The following KHDRBS2 variants were observed in gnomAD, a reference collection of about 807,000 sequenced individuals.
KHDRBS2 encodes the protein KH RNA binding domain containing, signal transduction associated 2, also known as KH domain-containing, RNA-binding, signal transduction-associated protein 2.
Under a neutral mutation model 44.3 loss-of-function variants are expected in KHDRBS2, and 26 were observed. The ratio of observed to expected loss-of-function variants is 0.59; its 90% CI spans 0.43 to 0.81. The LOEUF is 0.81. KHDRBS2 is among the 40% of genes least tolerant of loss of function. KHDRBS2 has a pLI of 0.00. For missense variants in KHDRBS2, 476 were observed against 433.1 expected, an observed-to-expected ratio of 1.10 and a Z score of -0.88; for synonymous variants, 194 against 151.1, an observed-to-expected ratio of 1.28 and a Z score of -2.08.
intron 6 of KHDRBS2, among the ~76,000 whole-genome samples, chr6:61,800,754 T>A (rs1222797065): frequency 6.6e-6 from 1 of 152,158 alleles, no homozygotes; most frequent in Non-Finnish European, 1.5e-5. Flanking sequence ...GGAAGTTTAT[T>A]TTTAACTTGT....
chr6:61,774,834 A>C (rs1320332335), intron 6 of KHDRBS2, among the ~76,000 whole-genome samples: 1 of 152,086 alleles, frequency 6.6e-6, no homozygotes, highest in African/African-American at 2.4e-5. Context: ...CAGAGACACA[A>C]CCAAAAAAGA....
At chr6:62,109,314 G>A (rs1455284899) in intron 2 of KHDRBS2, among the ~76,000 whole-genome samples, 1 of 151,858 alleles carries the variant, frequency 6.6e-6, no homozygotes, top group Non-Finnish European at 1.5e-5. Flanking sequence ...TTTAAAAAAA[G>A]TACTTTCCAA....
chr6:62,280,959 T>C (rs1348821682), intron 1 of KHDRBS2, among the ~76,000 whole-genome samples: 1 of 152,142 alleles, frequency 6.6e-6, no homozygotes, highest in East Asian at 1.9e-4. Flanking sequence ...GGTTGAGGAA[T>C]AGCAGAAGAG....
intron 4 of KHDRBS2, among the ~76,000 whole-genome samples, chr6:61,920,112 A>G (rs2127358543): frequency 6.6e-6 from 1 of 152,116 alleles, no homozygotes; most frequent in East Asian, 1.9e-4. Flanking sequence ...TATTTGTGTC[A>G]TGCCAATTTT....
chr6:62,088,096 A>C (rs1798758847), intron 2 of KHDRBS2, among the ~76,000 whole-genome samples: 1 of 151,944 alleles, frequency 6.6e-6, no homozygotes, highest in Non-Finnish European at 1.5e-5. Flanking sequence ...AATTCCTCTA[A>C]CCTCTTCTCA....
chr6:62,268,889 C>T (rs964506467), intron 1 of KHDRBS2, among the ~76,000 whole-genome samples: 1 of 152,002 alleles, frequency 6.6e-6, no homozygotes, highest in Non-Finnish European at 1.5e-5. Context: ...TATTGAAAAA[C>T]AATTCATATA....
At chr6:62,226,361 C>G (rs1379383211) in intron 1 of KHDRBS2, among the ~76,000 whole-genome samples, 1 of 152,136 alleles carries the variant, frequency 6.6e-6, no homozygotes, top group East Asian at 1.9e-4. Context: ...TGTTCATATC[C>G]TCTGCCCAAT....
chr6:62,111,847 A>C (rs371456396), intron 2 of KHDRBS2, among the ~76,000 whole-genome samples: 3 of 151,960 alleles, frequency 2.0e-5, no homozygotes, highest in Admixed American at 6.6e-5. Flanking sequence ...ATACCATTGA[A>C]CTCCCGCCTA....
chr6:61,606,195 G>A, the KHDRBS2 span, among the ~76,000 whole-genome samples: 1 of 152,106 alleles, frequency 6.6e-6, no homozygotes, highest in African/African-American at 2.4e-5. Context: ...GACTCAGCCT[G>A]CCTGCACCCA....
intron 1 of KHDRBS2, among the ~76,000 whole-genome samples, chr6:62,237,520 A>G (rs905962033): frequency 6.6e-6 from 1 of 152,234 alleles, no homozygotes; most frequent in African/African-American, 2.4e-5. Flanking sequence ...GCTATCAAAA[A>G]GCAGAAACAT....
chr6:62,020,576 T>C (rs1268033387), intron 3 of KHDRBS2, among the ~76,000 whole-genome samples: 2 of 92,274 alleles, frequency 2.2e-5, no homozygotes, highest in African/African-American at 4.0e-5. Flanking sequence ...TGTCTATTTA[T>C]TAATGCACTT....
rs372712008 is a variant in KHDRBS2 at position 61,912,906 on chromosome 6, A to G, written c.484-11535T>C. On this transcript the variant is annotated intron_variant, in intron 4 of 8. Coordinates refer to ENST00000281156, the MANE Select transcript of KHDRBS2 (RefSeq NM_152688.4). ...AGTTCTTGGATCTCTTCCGTCTCCA[A>G]CGCCATATCTCAAAGAGCAACCACA... 7.9e-5 allele frequency among the ~76,000 whole-genome samples: 12 copies of G among 152,250 alleles called. No individual in the cohort carries two copies. The South Asian group carries it at 2.5e-3, about 32-fold the overall frequency.
intron 2 of KHDRBS2, among the ~76,000 whole-genome samples, chr6:62,130,692 G>A (rs1229580359): frequency 6.6e-6 from 1 of 151,980 alleles, no homozygotes; most frequent in Admixed American, 6.6e-5. Flanking sequence ...TAAGTAGAAA[G>A]TGTTTAAAAC....
chr6:62,267,623 T>C lies in KHDRBS2; in HGVS notation c.91+18235A>G, dbSNP rs180728951. Among the ~76,000 whole-genome samples, 754 of 152,154 alleles carry C rather than the reference T, an allele frequency of 5.0e-3. 9 individuals carry two copies. Among genetic ancestry groups the C allele is most frequent in the African/African-American group, 0.017 (721 of 41,538 alleles). On this transcript the variant is annotated intron_variant, in intron 1 of 8. Transcript: ENST00000281156. ...TAAGCAAATTGTATTTATTTTTTGT[T>C]TGTAACTGGGAGTCAAAATGAGCTA... is the stretch of plus-strand genomic sequence containing the variant.
chr6:61,841,609 T>G (rs1436431434), intron 6 of KHDRBS2, among the ~76,000 whole-genome samples: 6 of 152,116 alleles, frequency 3.9e-5, no homozygotes, highest in Non-Finnish European at 7.4e-5. Context: ...TCATGTTATT[T>G]CCATATACTT....
At chr6:61,811,265 T>C (rs192752282) in intron 6 of KHDRBS2, among the ~76,000 whole-genome samples, 1 of 152,286 alleles carries the variant, frequency 6.6e-6, no homozygotes. Context: ...GATGCATTTA[T>C]GTTGCTGCGA....
At chr6:62,065,899 T>C (rs576171811) in intron 2 of KHDRBS2, among the ~76,000 whole-genome samples, 1 of 151,956 alleles carries the variant, frequency 6.6e-6, no homozygotes, top group East Asian at 2.0e-4. Context: ...TCATGTACCA[T>C]TCATTCTGCT....
chr6:62,015,298 T>C (rs1247325894), intron 3 of KHDRBS2, among the ~76,000 whole-genome samples: 1 of 152,150 alleles, frequency 6.6e-6, no homozygotes, highest in Non-Finnish European at 1.5e-5. Flanking sequence ...AGTCTAATAA[T>C]GTTAAAAGTT....
At chr6:62,005,062 A>C (rs1778966872) in intron 3 of KHDRBS2, among the ~76,000 whole-genome samples, 1 of 151,916 alleles carries the variant, frequency 6.6e-6, no homozygotes, top group Non-Finnish European at 1.5e-5. Context: ...AAGGCTAAAC[A>C]CTTCATTTTT....
Sources: allele counts gnomAD v4.1 joint callset (sites outside exome capture counted in the v4.1 genomes callset), GRCh38; gene constraint gnomAD v4.1.1; transcripts MANE v1.5; gene names NCBI Gene and HGNC (gene_info 2026-07-23, HGNC 2026-07-21).